KLF12: variants seen among roughly 807,000 people sequenced by gnomAD.
KLF12 encodes Krueppel-like factor 12.
Under a neutral mutation model 37.8 loss-of-function variants are expected in KLF12, and 9 were observed. The ratio of observed to expected loss-of-function variants is 0.24; its 90% CI spans 0.14 to 0.42. KLF12 has a LOEUF of 0.42. Ranked by LOEUF, KLF12 falls within the 10% of genes least tolerant of loss-of-function variation. The probability of loss-of-function intolerance (pLI) is 1.00; values close to 1 mark genes in which losing one functional copy is unlikely to be tolerated. For synonymous variants in KLF12, 208 were observed against 202.1 expected, an observed-to-expected ratio of 1.03 and a Z score of -0.25; for missense variants, 411 against 516.0, an observed-to-expected ratio of 0.80 and a Z score of 1.97.
At chr13:74,185,910 C>T in the KLF12 span, among the ~76,000 whole-genome samples, 84 of 152,242 alleles carry the variant, frequency 5.5e-4, no homozygotes, top group African/African-American at 1.8e-3. Context: ...TTGCAAAGTG[C>T]GGGGATTACA....
At chr13:73,825,498 T>G (rs1367759623) in intron 4 of KLF12, among the ~76,000 whole-genome samples, 1 of 152,206 alleles carries the variant, frequency 6.6e-6, no homozygotes, top group African/African-American at 2.4e-5. Flanking sequence ...AACTTTAAAC[T>G]GGGCTTACAC....
chr13:73,686,207 T>A lies in KLF12; in HGVS notation c.*9283A>T, dbSNP rs915331119. 3 of 152,586 alleles carry A rather than the reference T, an allele frequency of 2.0e-5. No individual in the cohort carries two copies. Among genetic ancestry groups the A allele is most frequent in the Non-Finnish European group, 4.4e-5 (3 of 68,018 alleles). 9.5% of individuals were successfully genotyped at this position (152,586 alleles called of 1,614,324 possible). A position where few individuals can be genotyped will look rare whatever the true frequency, so the allele number is the denominator to read the frequency against. On this transcript the variant is annotated 3_prime_UTR_variant, in exon 8 of 8. Transcript: ENST00000377669. ...GTTCACAGCTCAATTCATAGGAAAG[T>A]TGAATACAGAAAAGCAATGCACCAA...
At chr13:74,048,879 G>T (rs938354788) in intron 1 of KLF12, among the ~76,000 whole-genome samples, 1 of 152,294 alleles carries the variant, frequency 6.6e-6, no homozygotes, top group African/African-American at 2.4e-5. Flanking sequence ...AAAGTAAGTG[G>T]AAGAAATGAT....
intron 1 of KLF12, among the ~76,000 whole-genome samples, chr13:74,110,970 T>TGGTCA (rs929362619): frequency 6.6e-6 from 1 of 151,936 alleles, no homozygotes; most frequent in African/African-American, 2.4e-5. Context: ...CTGACCAACA[T>TGGTCA]GGTGAAACCC....
intron 2 of KLF12, among the ~76,000 whole-genome samples, chr13:73,946,564 G>A (rs763188998): frequency 2.8e-4 from 42 of 152,048 alleles, no homozygotes; most frequent in Middle Eastern, 3.4e-3. Context: ...CAAGATGTAC[G>A]GTTTAGTTTC....
At chr13:74,169,623 C>G in the KLF12 span, among the ~76,000 whole-genome samples, 1 of 152,164 alleles carries the variant, frequency 6.6e-6, no homozygotes, top group Non-Finnish European at 1.5e-5. Flanking sequence ...ACTCTTTGCC[C>G]TTGGATAACT....
rs1337141358 is a variant in KLF12, at chr13:73,913,249, C to G, written c.123+30732G>C. Among the ~76,000 whole-genome samples, 14 of 152,302 alleles carry G rather than the reference C, an allele frequency of 9.2e-5. 1 individual carries two copies. Among genetic ancestry groups the G allele is most frequent in the Admixed American group, 8.5e-4 (13 of 15,300 alleles). On this transcript the variant is annotated intron_variant, in intron 3 of 7. Coordinates refer to ENST00000377669, the MANE Select transcript of KLF12 (RefSeq NM_007249.5). ...CATAGTCTAGTCTCGCCTCTCCTTA[C>G]ACGTCACTTAGTCATCAGTTTGGTA...
At chr13:73,716,202 A>C (rs962268117) in intron 6 of KLF12, among the ~76,000 whole-genome samples, 3 of 152,190 alleles carry the variant, frequency 2.0e-5, no homozygotes, top group African/African-American at 7.2e-5. Context: ...TTTGGCCCTA[A>C]CTTGCATATT....
intron 3 of KLF12, among the ~76,000 whole-genome samples, chr13:73,870,565 G>C (rs1379604388): frequency 6.6e-6 from 1 of 152,178 alleles, no homozygotes; most frequent in African/African-American, 2.4e-5. Context: ...TTACATGGCT[G>C]TTTTAAATAC....
the KLF12 span, among the ~76,000 whole-genome samples, chr13:74,144,412 C>G: frequency 6.6e-6 from 1 of 152,164 alleles, no homozygotes; most frequent in Non-Finnish European, 1.5e-5. Context: ...AGACACAAAG[C>G]ATGGCCATTA....
chr13:73,936,101 T>G (rs1191187674), intron 3 of KLF12, among the ~76,000 whole-genome samples: 1 of 152,240 alleles, frequency 6.6e-6, no homozygotes, highest in Non-Finnish European at 1.5e-5. Context: ...GATGTGTTTC[T>G]ATTGATTCAT....
At chr13:73,795,692 T>C (rs1303971428) in intron 5 of KLF12, among the ~76,000 whole-genome samples, 1 of 152,186 alleles carries the variant, frequency 6.6e-6, no homozygotes, top group Non-Finnish European at 1.5e-5. Context: ...ACTCTTGTTT[T>C]TCCAAATGAT....
intron 6 of KLF12, among the ~76,000 whole-genome samples, chr13:73,741,173 A>G (rs1034127466): frequency 6.6e-6 from 1 of 152,208 alleles, no homozygotes; most frequent in Non-Finnish European, 1.5e-5. Context: ...GAACAGAAGG[A>G]AATTTGACTG....
intron 6 of KLF12, among the ~76,000 whole-genome samples, chr13:73,743,573 AC>A (rs920272462): frequency 1.2e-4 from 18 of 152,184 alleles, no homozygotes; most frequent in Non-Finnish European, 4.4e-5. Flanking sequence ...CTAGAAAAAA[AC>A]GTTCTCCCAT....
chr13:73,760,717 A>G (rs1355033977), intron 6 of KLF12, among the ~76,000 whole-genome samples: 2 of 152,192 alleles, frequency 1.3e-5, no homozygotes, highest in East Asian at 1.9e-4. Context: ...CTGTTACACA[A>G]CAGCCCTTGA....
the KLF12 span, among the ~76,000 whole-genome samples, chr13:74,203,729 T>C: frequency 8.5e-5 from 13 of 152,172 alleles, no homozygotes; most frequent in East Asian, 2.5e-3. Context: ...ATTAATTATG[T>C]CAGGGAAACA....
At chr13:73,860,302 C>A (rs1232843047) in intron 3 of KLF12, among the ~76,000 whole-genome samples, 1 of 152,166 alleles carries the variant, frequency 6.6e-6, no homozygotes, top group African/African-American at 2.4e-5. Flanking sequence ...CGGCCATGGG[C>A]CCACCAAAGA....
In KLF12 at chr13:73,931,476, G is replaced by C. The variant is rs533134469; in HGVS notation, c.123+12505C>G. On this transcript the variant is annotated intron_variant, in intron 3 of 7. Coordinates refer to ENST00000377669, the MANE Select transcript of KLF12 (RefSeq NM_007249.5). ...TCTCTATTTATATATATTTATGTCA[G>C]TATAGAAGTCAGAAGCTACTATGGC... Among the ~76,000 whole-genome samples the C allele has an allele frequency of 3.3e-5, 5 of 152,178 alleles. No homozygotes were observed. The South Asian group carries it at 1.0e-3, about 32-fold the overall frequency.
the KLF12 span, among the ~76,000 whole-genome samples, chr13:74,196,836 G>C: frequency 6.6e-6 from 1 of 152,066 alleles, no homozygotes; most frequent in African/African-American, 2.4e-5. Flanking sequence ...GATACTGTAG[G>C]ATATATAGTA....
Sources: gnomAD v4.1 joint callset for allele counts (sites outside exome capture counted in the v4.1 genomes callset) on GRCh38, gnomAD v4.1.1 for gene constraint, MANE v1.5 for transcripts, NCBI Gene and HGNC (gene_info 2026-07-23, HGNC 2026-07-21) for gene names.